The following PDE6B variants were observed in gnomAD, a reference collection of about 807,000 sequenced individuals.
PDE6B encodes the protein rod cGMP-specific 3',5'-cyclic phosphodiesterase subunit beta.
PDE6B carries 106 observed loss-of-function variants against 109.0 expected under a neutral mutation model. The observed-to-expected ratio is 0.97, with a 90% CI of 0.83 to 1.14. PDE6B has a LOEUF of 1.14. PDE6B is among the 50% of genes most tolerant of loss of function. The probability of loss-of-function intolerance (pLI) is 0.00; values close to 1 mark genes in which losing one functional copy is unlikely to be tolerated. For missense variants in PDE6B, 1,193 were observed against 1,155.6 expected, an observed-to-expected ratio of 1.03 and a Z score of -0.47; for synonymous variants, 490 against 471.3, an observed-to-expected ratio of 1.04 and a Z score of -0.51.
rs1196365702 is a variant in PDE6B, at chr4:625,962, C to T, written c.336C>T (p.Ser112=). 11 of 1,585,464 alleles carry T rather than the reference C, an allele frequency of 6.9e-6. No individual in the cohort carries two copies. The South Asian group carries it at 9.1e-5, about 13-fold the overall frequency. ...CCGAGCTGGCCACCAGGCTTTTCAG[C>T]GTGCAGCCGGACAGCGTCCTGGAGG... ...GVAELATRLF[S]VQPDSVLEDC... The change falls in exon 1 of 22, where the codon AGC becomes AGT. Residue 112 remains serine (S), a synonymous_variant. Transcript: ENST00000496514. This position sits in a 1 kb window ranked among gnomAD's most constrained non-coding sequence, Gnocchi z 5.0.
chr4:642,852 T>C (rs1577254119), intron 3 of PDE6B, among the ~76,000 whole-genome samples: 1 of 152,092 alleles, frequency 6.6e-6, no homozygotes, highest in South Asian at 2.1e-4. Context: ...GAATGAGTGT[T>C]GGATTTTTCA....
At chr4:649,913 GC>G (rs942577256) in intron 3 of PDE6B, among the ~76,000 whole-genome samples, 1 of 152,172 alleles carries the variant, frequency 6.6e-6, no homozygotes. Context: ...TGTGCCTTCT[GC>G]CCCCCATGTC....
rs201676629 is a variant in PDE6B, at chr4:654,004, G to A, written c.852+12G>A. 699 of 1,613,766 alleles carry A rather than the reference G, an allele frequency of 4.3e-4. No homozygotes were observed. Among genetic ancestry groups the A allele is most frequent in the Middle Eastern group, 6.6e-4 (4 of 6,062 alleles). ...TGACCAAGGAGAAGGTGAGGCTTCC[G>A]TGGCTCAGGGACCCCCTGCCTGGCC... On this transcript the variant is annotated intron_variant, in intron 4 of 21. Coordinates refer to ENST00000496514, the MANE Select transcript of PDE6B (RefSeq NM_000283.4).
rs115136806 is a variant in PDE6B at position 626,786 on chromosome 4, G to A, written c.468+692G>A. 1.9e-3 allele frequency among the ~76,000 whole-genome samples: 285 copies of A among 152,336 alleles called. No homozygotes were observed. The highest frequency in any genetic ancestry group is 6.4e-3 in the African/African-American group (268 of 41,576). On this transcript the variant is annotated intron_variant, in intron 1 of 21. Transcript: ENST00000496514. The surrounding 1 kb of genome is among the most constrained non-coding windows in gnomAD (Gnocchi z 4.6). ...ATGCAAAGCCTGGGCTAGGGCAGAC[G>A]CTTCCCGAGGACAGAGGCGGTCCTG...
chr4:656,871 C>T lies in PDE6B; in HGVS notation c.1108-3C>T, dbSNP rs1398198007. On this transcript the variant is annotated splice_polypyrimidine_tract_variant and splice_region_variant and intron_variant, in intron 8 of 21. Transcript: ENST00000496514. Reference sequence around the variant, plus strand: ...AGCTCAGCTCTGGACACCGCTCCCGCAGGAAGGGGCCCTGGACGACTCCGG... The same window carrying T: ...AGCTCAGCTCTGGACACCGCTCCCGTAGGAAGGGGCCCTGGACGACTCCGG... 4 of 1,612,646 alleles carry T rather than the reference C, an allele frequency of 2.5e-6. No individual in the cohort carries two copies. Among genetic ancestry groups the T allele is most frequent in the Admixed American group, 1.7e-5 (1 of 60,026 alleles).
In PDE6B at chr4:662,685, G is replaced by A. The variant is rs1238759213; in HGVS notation, c.1832+67G>A. 7 of 996,054 alleles carry A rather than the reference G, an allele frequency of 7.0e-6. No homozygotes were observed. Among genetic ancestry groups the A allele is most frequent in the Middle Eastern group, 2.1e-4 (1 of 4,866 alleles). 61.7% of individuals were successfully genotyped at this position (996,054 alleles called of 1,614,324 possible). A position where few individuals can be genotyped will look rare whatever the true frequency, so the allele number is the denominator to read the frequency against. ...ACTCCACGCCCTTGGCGTGAATTAG[G>A]CTTCGCATAGCAGGCTATGTAGAAA... On this transcript the variant is annotated intron_variant, in intron 14 of 21. Coordinates refer to ENST00000496514, the MANE Select transcript of PDE6B (RefSeq NM_000283.4). The surrounding 1 kb of genome is among the most constrained non-coding windows in gnomAD (Gnocchi z 4.3).
At chr4:630,821 C>T (rs1223949032) in intron 1 of PDE6B, among the ~76,000 whole-genome samples, 2 of 152,222 alleles carry the variant, frequency 1.3e-5, no homozygotes, top group Admixed American at 6.5e-5. Flanking sequence ...CACAAAGAGG[C>T]TGCAGTCACA....
chr4:652,611 TAAG>T (rs1325135901), intron 3 of PDE6B: 3 of 433,302 alleles, frequency 6.9e-6, no homozygotes, highest in African/African-American at 6.4e-5. Context: ...AAATTAAAAA[TAAG>T]AATAAGAATG....
At chr4:668,391 TTGCTATTCCCGCTGCTCCCAGTATCCCA>T (rs1738041016) in intron 21 of PDE6B, among the ~76,000 whole-genome samples, 1 of 151,096 alleles carries the variant, frequency 6.6e-6, no homozygotes, top group Non-Finnish European at 1.5e-5. Context: ...GAGGTTTGGC[TTGCTATTCCCGCTGCTCCCAGTATCCCA>T]TGCTATTCCC....
intron 3 of PDE6B, among the ~76,000 whole-genome samples, chr4:643,252 G>A (rs371472777): frequency 1.3e-5 from 2 of 151,756 alleles, no homozygotes; most frequent in South Asian, 2.1e-4. Flanking sequence ...AGGTTGCAGC[G>A]AGCCAAGATC....
chr4:635,975 C>A lies in PDE6B; in HGVS notation c.711+6C>A. 6.4e-7 allele frequency: 1 copy of A among 1,554,348 alleles called. No homozygotes were observed. Among genetic ancestry groups the A allele is most frequent in the African/African-American group, 1.4e-5 (1 of 73,856 alleles). On this transcript the variant is annotated splice_donor_region_variant and intron_variant, in intron 3 of 21. Transcript: ENST00000496514. ...GCGAGACGCGCCGCGGCCAGGTACC[C>A]ACACGCTGAGCACAGCTCTGCCCAC...
chr4:627,280 G>T (rs1394633089), intron 1 of PDE6B, among the ~76,000 whole-genome samples: 8 of 152,016 alleles, frequency 5.3e-5, no homozygotes, highest in African/African-American at 1.9e-4. Context: ...TGAGTAGCTA[G>T]GACTAGAGGT....
At chr4:631,644 T>A (rs2109126496) in intron 1 of PDE6B, among the ~76,000 whole-genome samples, 1 of 150,544 alleles carries the variant, frequency 6.6e-6, no homozygotes, top group East Asian at 2.0e-4. Flanking sequence ...CATCTAAGGG[T>A]CATGAGGATC....
intron 2 of PDE6B, 52 bp downstream of exon 2, chr4:634,881 G>T (rs751842653): frequency 6.6e-7 from 1 of 1,507,782 alleles, no homozygotes; most frequent in African/African-American, 1.4e-5. Context: ...CTGCCTGCCT[G>T]CCCGCCCGCC....
chr4:636,660 C>CG lies in PDE6B; in HGVS notation c.711+693dup, dbSNP rs1289537583. Among the ~76,000 whole-genome samples the CG allele has an allele frequency of 6.6e-6, 1 of 152,126 alleles. No homozygotes were observed. The highest frequency in any genetic ancestry group is 1.5e-5 in the Non-Finnish European group (1 of 68,002). On this transcript the variant is annotated intron_variant, in intron 3 of 21. Transcript: ENST00000496514. The surrounding 1 kb of genome is among the most constrained non-coding windows in gnomAD (Gnocchi z 4.5). ...CCACAAAGGAGAACTGTGAAGACGG[C>CG]GGTCACCTCCTGCCTTCTCCGTGTC...
chr4:657,304 G>A (rs1736394833), intron 9 of PDE6B, 47 bp from the exon 10 acceptor site: 1 of 1,608,870 alleles, frequency 6.2e-7, no homozygotes, highest in Non-Finnish European at 8.5e-7. Flanking sequence ...CATGGGAGGG[G>A]GCGCGCCGGG....
At chr4:643,553 T>A (rs1428970172) in intron 3 of PDE6B, among the ~76,000 whole-genome samples, 3 of 152,170 alleles carry the variant, frequency 2.0e-5, no homozygotes, top group Admixed American at 6.5e-5. Context: ...TGCTTTCTTT[T>A]TGGATGATTA....
In PDE6B at chr4:657,834, G is replaced by A. The variant is rs533027972; in HGVS notation, c.1401+340G>A. The stretch of plus-strand genomic sequence containing the variant: ...CATGGCTGTGCGGCGGGGGCAGGTC[G>A]TCCAGGGGTCACCCAGGGGTCACGG... On this transcript the variant is annotated intron_variant, in intron 10 of 21. Transcript: ENST00000496514. Among the ~76,000 whole-genome samples the A allele has an allele frequency of 4.4e-3, 464 of 104,722 alleles. 6 individuals carry two copies. The highest frequency in any genetic ancestry group is 3.6e-3 in the Non-Finnish European group (186 of 51,582). The allele number at this position is 104,722 out of a possible 152,430, so 68.7% of individuals were successfully genotyped here.
intron 11 of PDE6B, 138 bp downstream of exon 11, chr4:659,155 G>A (rs973393625): frequency 1.4e-6 from 1 of 713,806 alleles, no homozygotes. Context: ...GTGTATACTT[G>A]TGTATCTAAG....
Sources: allele counts gnomAD v4.1 joint callset (sites outside exome capture counted in the v4.1 genomes callset), GRCh38; gene constraint gnomAD v4.1.1; non-coding constraint Gnocchi (gnomAD v3.1); transcripts MANE v1.5; gene names NCBI Gene and HGNC (gene_info 2026-07-23, HGNC 2026-07-21).